The following OPCML variants were observed in gnomAD, a reference collection of about 807,000 sequenced individuals.
OPCML encodes the protein opioid-binding protein/cell adhesion molecule.
In OPCML, 13 loss-of-function variants were observed where a neutral mutation model predicts 37.8. The observed-to-expected ratio is 0.34, with a 90% CI of 0.22 to 0.55. The LOEUF is 0.55. OPCML is among the 20% of genes least tolerant of loss of function. The probability of loss-of-function intolerance (pLI) is 0.91; values close to 1 mark genes in which losing one functional copy is unlikely to be tolerated. For synonymous variants in OPCML, 176 were observed against 168.8 expected, an observed-to-expected ratio of 1.04 and a Z score of -0.33; for missense variants, 341 against 435.6, an observed-to-expected ratio of 0.78 and a Z score of 1.93.
At chr11:133,193,781 C>T (rs1440699963) in intron 1 of OPCML, among the ~76,000 whole-genome samples, 1 of 152,082 alleles carries the variant, frequency 6.6e-6, no homozygotes, top group African/African-American at 2.4e-5. Flanking sequence ...CTGTAAAAAT[C>T]GATCTGGCTC....
At chr11:133,179,285 C>A (rs1017953650) in intron 1 of OPCML, among the ~76,000 whole-genome samples, 1 of 152,056 alleles carries the variant, frequency 6.6e-6, no homozygotes, top group South Asian at 2.1e-4. Context: ...GTAGAATAAC[C>A]CATTCACTTC....
At chr11:133,483,382 G>C (rs918422645) in intron 1 of OPCML, among the ~76,000 whole-genome samples, 1 of 147,512 alleles carries the variant, frequency 6.8e-6, no homozygotes, top group Non-Finnish European at 1.5e-5. Flanking sequence ...AGATATGATA[G>C]ATAACATAGA....
chr11:132,443,908 A>G (rs769073734), intron 4 of OPCML, among the ~76,000 whole-genome samples: 29 of 152,244 alleles, frequency 1.9e-4, no homozygotes, highest in Non-Finnish European at 3.2e-4. Flanking sequence ...AGCTATGAGC[A>G]GATCAAAACA....
intron 1 of OPCML, among the ~76,000 whole-genome samples, chr11:133,140,063 T>C (rs1048601024): frequency 1.3e-5 from 2 of 151,462 alleles, no homozygotes; most frequent in African/African-American, 2.4e-5. Context: ...GGCGCACACC[T>C]GTAGTCCCAG....
At chr11:132,702,667 C>A (rs1943874352) in intron 2 of OPCML, among the ~76,000 whole-genome samples, 2 of 151,984 alleles carry the variant, frequency 1.3e-5, no homozygotes, top group Non-Finnish European at 2.9e-5. Flanking sequence ...CTTTCTCTTT[C>A]TTTGCTCCTT....
At chr11:133,435,734 G>A (rs1166113272) in intron 1 of OPCML, among the ~76,000 whole-genome samples, 2 of 152,182 alleles carry the variant, frequency 1.3e-5, no homozygotes, top group Non-Finnish European at 2.9e-5. Flanking sequence ...TAATGAAGAT[G>A]GGAAATTATC....
chr11:132,629,055 T>C (rs1225198692), intron 3 of OPCML, among the ~76,000 whole-genome samples: 1 of 152,088 alleles, frequency 6.6e-6, no homozygotes, highest in Non-Finnish European at 1.5e-5. Flanking sequence ...ACTGAAATTA[T>C]TCAGGCCAAC....
chr11:132,601,920 A>G (rs1010605097), intron 3 of OPCML, among the ~76,000 whole-genome samples: 2 of 152,232 alleles, frequency 1.3e-5, no homozygotes, highest in Non-Finnish European at 2.9e-5. Flanking sequence ...TTGTATCAAT[A>G]TTTCCCTATT....
chr11:132,963,757 T>A (rs1297571387), intron 1 of OPCML, among the ~76,000 whole-genome samples: 3 of 84,708 alleles, frequency 3.5e-5, no homozygotes, highest in East Asian at 9.4e-4. Context: ...TACGATATTA[T>A]TATTATTATT....
chr11:132,786,197 G>C (rs1947205341), intron 2 of OPCML, among the ~76,000 whole-genome samples: 1 of 152,140 alleles, frequency 6.6e-6, no homozygotes, highest in Non-Finnish European at 1.5e-5. Context: ...TCATGGAAGG[G>C]AAGAGTCATG....
intron 1 of OPCML, among the ~76,000 whole-genome samples, chr11:133,223,514 C>T (rs758947616): frequency 1.3e-5 from 2 of 152,048 alleles, no homozygotes; most frequent in Non-Finnish European, 1.5e-5. Context: ...GAGGAGGAGG[C>T]ATAGTCGGGA....
chr11:133,140,949 C>CGAAGAAGAA (rs1301893070), intron 1 of OPCML, among the ~76,000 whole-genome samples: 1 of 2,922 alleles, frequency 3.4e-4, no homozygotes, highest in Non-Finnish European at 9.7e-4. Flanking sequence ...AAGAAGACGA[C>CGAAGAAGAA]GAAGAAGAAG....
intron 1 of OPCML, among the ~76,000 whole-genome samples, chr11:133,159,238 C>T (rs933879227): frequency 6.6e-6 from 1 of 152,162 alleles, no homozygotes; most frequent in Non-Finnish European, 1.5e-5. Context: ...GAATGGGATG[C>T]TTCATTCCCA....
chr11:133,455,611 A>T (rs1416309309), intron 1 of OPCML, among the ~76,000 whole-genome samples: 1 of 152,232 alleles, frequency 6.6e-6, no homozygotes, highest in Admixed American at 6.5e-5. Flanking sequence ...GAATGTGCAC[A>T]TAATTAGAAA....
chr11:133,247,847 TG>T (rs953389887), intron 1 of OPCML, among the ~76,000 whole-genome samples: 5 of 152,190 alleles, frequency 3.3e-5, no homozygotes, highest in Non-Finnish European at 5.9e-5. Context: ...TGACTTCAGG[TG>T]ATCACCCGCT....
intron 2 of OPCML, among the ~76,000 whole-genome samples, chr11:132,835,932 C>CA (rs1443796886): frequency 6.6e-6 from 1 of 152,184 alleles, no homozygotes; most frequent in Admixed American, 6.5e-5. Context: ...TGTCTACTTA[C>CA]AAATATCCAT....
intron 2 of OPCML, among the ~76,000 whole-genome samples, chr11:132,927,500 GAAGTT>G (rs1045608293): frequency 2.0e-5 from 3 of 151,600 alleles, no homozygotes; most frequent in Non-Finnish European, 2.9e-5. Flanking sequence ...AAATAAGAGA[GAAGTT>G]AAGACATCCC....
intron 3 of OPCML, among the ~76,000 whole-genome samples, chr11:132,649,657 T>G (rs182130867): frequency 2.0e-5 from 3 of 152,268 alleles, no homozygotes; most frequent in African/African-American, 7.2e-5. Context: ...AACTCTTCCA[T>G]AAAGCATGTG....
At chr11:132,974,752 G>A (rs1946418868) in intron 1 of OPCML, among the ~76,000 whole-genome samples, 1 of 152,012 alleles carries the variant, frequency 6.6e-6, no homozygotes, top group Non-Finnish European at 1.5e-5. Flanking sequence ...TCAACTTCTC[G>A]AGACTTCTCT....
Sources: gnomAD v4.1 joint callset for allele counts (sites outside exome capture counted in the v4.1 genomes callset) on GRCh38, gnomAD v4.1.1 for gene constraint, MANE v1.5 for transcripts, NCBI Gene and HGNC (gene_info 2026-07-23, HGNC 2026-07-21) for gene names.